SLC71A2: variants seen among roughly 807,000 people sequenced by gnomAD.
The protein encoded by SLC71A2 is solute carrier family 71 member 2, also known as hippocampus abundant transcript-like 1.
the SLC71A2 span, among the ~76,000 whole-genome samples, chr9:94,414,974 A>G: frequency 3.3e-5 from 5 of 152,216 alleles, no homozygotes; most frequent in African/African-American, 1.2e-4. Context: ...CTGTAATCTT[A>G]GCACCTTCCC....
the SLC71A2 span, among the ~76,000 whole-genome samples, chr9:94,447,548 A>G: frequency 6.7e-6 from 1 of 150,370 alleles, no homozygotes; most frequent in African/African-American, 2.5e-5. Flanking sequence ...AGCAAAATTG[A>G]GAGTAAGATA....
At chr9:94,440,775 G>T in the SLC71A2 span, among the ~76,000 whole-genome samples, 1 of 151,968 alleles carries the variant, frequency 6.6e-6, no homozygotes, top group Non-Finnish European at 1.5e-5. Context: ...TAGGGGGCAT[G>T]TACTGACCCC....
the SLC71A2 span, among the ~76,000 whole-genome samples, chr9:94,389,477 C>T: frequency 3.3e-5 from 5 of 151,556 alleles, no homozygotes; most frequent in African/African-American, 1.2e-4. Flanking sequence ...CGAGGCTTCA[C>T]CGTGTTGGCC....
chr9:94,455,566 A>G, the SLC71A2 span, among the ~76,000 whole-genome samples: 1 of 151,408 alleles, frequency 6.6e-6, no homozygotes, highest in Non-Finnish European at 1.5e-5. Context: ...GTTCTTTTTG[A>G]TTTTGCTCCT....
At chr9:94,435,950 C>A in the SLC71A2 span, among the ~76,000 whole-genome samples, 2 of 147,074 alleles carry the variant, frequency 1.4e-5, no homozygotes, top group African/African-American at 5.0e-5. Context: ...CATACCTGGC[C>A]CCTTTTTCAT....
At chr9:94,448,553 A>AG in the SLC71A2 span, among the ~76,000 whole-genome samples, 1 of 152,188 alleles carries the variant, frequency 6.6e-6, no homozygotes, top group Non-Finnish European at 1.5e-5. Flanking sequence ...TTAAAAATGA[A>AG]GTGTATTAAA....
chr9:94,453,911 T>C, the SLC71A2 span: 1 of 1,254,954 alleles, frequency 8.0e-7, no homozygotes, highest in South Asian at 1.2e-5. Flanking sequence ...GTATTTTAAT[T>C]CTGTGTGTTG....
At chr9:94,441,882 T>C in the SLC71A2 span, among the ~76,000 whole-genome samples, 1 of 152,252 alleles carries the variant, frequency 6.6e-6, no homozygotes, top group Non-Finnish European at 1.5e-5. Context: ...ATTATGATTA[T>C]GTAGAAGAAA....
At chr9:94,445,208 C>A in the SLC71A2 span, 1 of 1,528,880 alleles carries the variant, frequency 6.5e-7, no homozygotes, top group Non-Finnish European at 8.9e-7. Context: ...GAAATATTTA[C>A]TTTCCTAAAT....
the SLC71A2 span, chr9:94,456,334 C>T: frequency 6.2e-7 from 1 of 1,612,980 alleles, no homozygotes; most frequent in Admixed American, 1.7e-5. Flanking sequence ...GTCAGATCAG[C>T]AAGGTGAGGT....
At chr9:94,425,058 C>T in the SLC71A2 span, among the ~76,000 whole-genome samples, 1 of 151,756 alleles carries the variant, frequency 6.6e-6, no homozygotes, top group Non-Finnish European at 1.5e-5. Context: ...TCCATAAATG[C>T]TTGTCTGCAA....
At chr9:94,395,447 A>C in the SLC71A2 span, among the ~76,000 whole-genome samples, 11 of 151,848 alleles carry the variant, frequency 7.2e-5, no homozygotes, top group African/African-American at 2.7e-4. Context: ...ATTATTGCAC[A>C]TAAGAACTCC....
At chr9:94,455,975 A>G in the SLC71A2 span, among the ~76,000 whole-genome samples, 1 of 152,232 alleles carries the variant, frequency 6.6e-6, no homozygotes, top group Non-Finnish European at 1.5e-5. Context: ...TAGGGAGACC[A>G]GGGAGAAGAA....
At chr9:94,453,148 C>CTTT in the SLC71A2 span, among the ~76,000 whole-genome samples, 2 of 124,778 alleles carry the variant, frequency 1.6e-5, no homozygotes, top group Admixed American at 8.3e-5. Context: ...ACTCAGCCAT[C>CTTT]TTTTTTTTTT....
chr9:94,448,991 G>C, the SLC71A2 span, among the ~76,000 whole-genome samples: 4 of 152,160 alleles, frequency 2.6e-5, no homozygotes, highest in African/African-American at 9.7e-5. Context: ...GATTTAGAGG[G>C]AAGAATGGTG....
chr9:94,379,364 G>A, the SLC71A2 span, among the ~76,000 whole-genome samples: 2 of 147,214 alleles, frequency 1.4e-5, no homozygotes, highest in Admixed American at 1.3e-4. Context: ...GGAATTACAG[G>A]CGTGAGCCAC....
chr9:94,440,833 A>T, the SLC71A2 span: 4 of 420,984 alleles, frequency 9.5e-6, no homozygotes, highest in African/African-American at 2.0e-5. Flanking sequence ...TCCTGTCTTA[A>T]CTTAAATTTT....
the SLC71A2 span, among the ~76,000 whole-genome samples, chr9:94,399,980 T>G: frequency 6.6e-6 from 1 of 152,090 alleles, no homozygotes; most frequent in African/African-American, 2.4e-5. Context: ...TGGCTAATTT[T>G]GTATTTTTAG....
chr9:94,453,838 G>A, the SLC71A2 span: 3 of 687,910 alleles, frequency 4.4e-6, no homozygotes, highest in Non-Finnish European at 5.2e-6. Context: ...TGAGGTTGCA[G>A]GTCAGGCAGT....
Sources: gnomAD v4.1 joint callset for allele counts (sites outside exome capture counted in the v4.1 genomes callset) on GRCh38, gnomAD v4.1.1 for gene constraint, MANE v1.5 for transcripts, NCBI Gene and HGNC (gene_info 2026-07-23, HGNC 2026-07-21) for gene names.